RP1: variants seen among roughly 807,000 people sequenced by gnomAD.
RP1 encodes the protein oxygen-regulated protein 1.
A neutral mutation model predicts 14.8 loss-of-function variants in RP1; 16 were observed. The observed-to-expected ratio is 1.08, with a 90% CI of 0.73 to 1.65. The LOEUF (loss-of-function observed/expected upper bound fraction) is 1.65. RP1 is among the 40% of genes most tolerant of loss of function. The probability of loss-of-function intolerance (pLI) is 0.00; values close to 1 mark genes in which losing one functional copy is unlikely to be tolerated. For synonymous variants in RP1, 876 were observed against 883.6 expected (o/e 0.99, Z 0.15); for missense variants, 2,631 against 2,535.0 (o/e 1.04, Z -0.81).
At chr8:54,799,517 T>C (rs1810652351) in intron 24 of RP1, among the ~76,000 whole-genome samples, 1 of 152,056 alleles carries the variant, frequency 6.6e-6, no homozygotes, top group Non-Finnish European at 1.5e-5. Context: ...AGATCTACCA[T>C]CTTGCTAGTT....
At chr8:54,652,976 G>C (rs1806686940) in intron 5 of RP1, 1 of 676,994 alleles carries the variant, frequency 1.5e-6, no homozygotes, top group East Asian at 2.8e-5. Context: ...TACCTTTTTA[G>C]CCAGTGCTTT....
At chr8:54,748,974 T>A (rs1054528583) in intron 19 of RP1, among the ~76,000 whole-genome samples, 3 of 152,196 alleles carry the variant, frequency 2.0e-5, no homozygotes, top group African/African-American at 7.2e-5. Flanking sequence ...ACATCCAGTG[T>A]TCAGTAGACA....
rs150898580 is a variant in RP1 at position 54,641,507 on chromosome 8, A to G, written c.788-7478A>G. 3.4e-3 allele frequency among the ~76,000 whole-genome samples: 510 copies of G among 152,164 alleles called. 4 individuals are homozygous for G. Among genetic ancestry groups the G allele is most frequent in the African/African-American group, 0.012 (489 of 41,524 alleles). Reference sequence around the variant, plus strand: ...AGTAGCTTAATTAATTAGCTTCTCAACTTTTTTTTCTGTTATTGCCTCCTG... The same window carrying G: ...AGTAGCTTAATTAATTAGCTTCTCAGCTTTTTTTTCTGTTATTGCCTCCTG... On this transcript the variant is annotated intron_variant, in intron 3 of 22. Coordinates refer to the RP1 transcript ENST00000636932.
In RP1 at chr8:54,629,211, GATA is replaced by G. The variant is rs925098172; in HGVS notation, c.5334_5336del (p.Asn1779del). Reference sequence around the variant, plus strand: ...CACCACATCAGTGGACACCCTACTTGATAATAACAGCAGTGAGGTACCATATTC... The same window carrying G: ...CACCACATCAGTGGACACCCTACTTGATAACAGCAGTGAGGTACCATATTC... On this transcript the variant is annotated inframe_deletion, in exon 4 of 4. Coordinates refer to ENST00000220676, the MANE Select transcript of RP1 (RefSeq NM_006269.2). 5.6e-6 allele frequency: 9 copies of G among 1,613,940 alleles called. No homozygotes were observed. Among genetic ancestry groups the G allele is most frequent in the Non-Finnish European group, 7.6e-6 (9 of 1,179,972 alleles).
intron 12 of RP1, among the ~76,000 whole-genome samples, chr8:54,698,908 G>A (rs1265958694): frequency 6.6e-6 from 1 of 152,060 alleles, no homozygotes; most frequent in Non-Finnish European, 1.5e-5. Context: ...TCCTGGGGGA[G>A]GGATAGCATT....
At chr8:54,568,767 T>C (rs527677641) in intron 1 of RP1, among the ~76,000 whole-genome samples, 3 of 152,316 alleles carry the variant, frequency 2.0e-5, no homozygotes, top group East Asian at 1.9e-4. Context: ...AATCTGAGGA[T>C]CTTATCTCTC....
chr8:54,683,950 C>T (rs1807493658), intron 12 of RP1, among the ~76,000 whole-genome samples: 1 of 145,130 alleles, frequency 6.9e-6, no homozygotes, highest in East Asian at 2.0e-4. Context: ...ATATATGGCT[C>T]TTATTATTTT....
intron 1 of RP1, among the ~76,000 whole-genome samples, chr8:54,595,985 T>G (rs1805136445): frequency 6.6e-6 from 1 of 152,238 alleles, no homozygotes; most frequent in South Asian, 2.1e-4. Flanking sequence ...TGATTATAAG[T>G]CAATAATTTT....
intron 24 of RP1, among the ~76,000 whole-genome samples, chr8:54,826,291 C>T (rs1257398629): frequency 1.3e-5 from 2 of 152,124 alleles, no homozygotes; most frequent in African/African-American, 4.8e-5. Flanking sequence ...GTCCTTGATG[C>T]AGTACTTGGA....
At chr8:54,711,344 A>G (rs1470715612) in intron 15 of RP1, among the ~76,000 whole-genome samples, 1 of 152,148 alleles carries the variant, frequency 6.6e-6, no homozygotes, top group African/African-American at 2.4e-5. Context: ...TAAAAATTCC[A>G]ATCCTGTTCT....
chr8:54,607,185 T>G lies in RP1; in HGVS notation c.-12-13770T>G, dbSNP rs576384935. 1.1e-3 allele frequency among the ~76,000 whole-genome samples: 163 copies of G among 152,294 alleles called. 2 individuals are homozygous for G. Among genetic ancestry groups the G allele is most frequent in the Non-Finnish European group, 1.8e-3 (123 of 68,022 alleles). On this transcript the variant is annotated intron_variant, in intron 1 of 22. Transcript: ENST00000636932. The stretch of plus-strand genomic sequence containing the variant: ...CCCATCTTTGTGGTTTTATCTACCT[T>G]TGGTGTTTGATAATGGTGACAAACA...
chr8:54,702,019 T>C (rs1179161014), intron 14 of RP1, among the ~76,000 whole-genome samples: 1 of 152,206 alleles, frequency 6.6e-6, no homozygotes, highest in Non-Finnish European at 1.5e-5. Context: ...TGTATACATT[T>C]GATCCTTTCA....
At chr8:54,722,689 T>C (rs1459529354) in intron 16 of RP1, among the ~76,000 whole-genome samples, 1 of 152,126 alleles carries the variant, frequency 6.6e-6, no homozygotes, top group Non-Finnish European at 1.5e-5. Flanking sequence ...ACTTTTTTTT[T>C]CAGCTTAAAC....
intron 1 of RP1, among the ~76,000 whole-genome samples, chr8:54,582,352 A>G (rs1489014012): frequency 5.9e-5 from 9 of 152,136 alleles, no homozygotes; most frequent in South Asian, 4.1e-4. Flanking sequence ...GTTCTGTTCC[A>G]TTGGTCTACA....
intron 22 of RP1, among the ~76,000 whole-genome samples, chr8:54,767,216 A>AATTTATAAATTAT (rs1809781436): frequency 6.6e-6 from 1 of 152,164 alleles, no homozygotes; most frequent in Non-Finnish European, 1.5e-5. Flanking sequence ...TTGTATAGGT[A>AATTTATAAATTAT]AGGTTATTAT....
chr8:54,667,444 T>G (rs1015923511), intron 7 of RP1, among the ~76,000 whole-genome samples: 3 of 152,110 alleles, frequency 2.0e-5, no homozygotes, highest in African/African-American at 7.2e-5. Flanking sequence ...CTGCAGGCTG[T>G]TTTTTGCAGC....
chr8:54,788,104 G>A (rs1810371307), intron 24 of RP1, among the ~76,000 whole-genome samples: 1 of 152,122 alleles, frequency 6.6e-6, no homozygotes, highest in African/African-American at 2.4e-5. Flanking sequence ...GATAGGATGG[G>A]GTTTAAGATA....
At chr8:54,652,863 G>A (rs1806684495) in exon 5 of RP1, 1 of 1,533,826 alleles carries the variant, frequency 6.5e-7, no homozygotes, top group Non-Finnish European at 8.7e-7. Context: ...GGCACTGCAA[G>A]GAGGTAAGGA....
chr8:54,630,838 C>T (rs1806234470), downstream of RP1: 1 of 995,072 alleles, frequency 1.0e-6, no homozygotes, highest in African/African-American at 1.7e-5. Context: ...GTTTCTTGTG[C>T]CAAATATGTT....
Sources: allele counts gnomAD v4.1 joint callset (sites outside exome capture counted in the v4.1 genomes callset), GRCh38; gene constraint gnomAD v4.1.1; transcripts MANE v1.5; gene names NCBI Gene and HGNC (gene_info 2026-07-23, HGNC 2026-07-21).